The following ZNF536 variants were observed in gnomAD, a reference collection of about 807,000 sequenced individuals.
ZNF536 encodes zinc finger protein 536.
A neutral mutation model predicts 84.5 loss-of-function variants in ZNF536; 13 were observed. That is an observed-to-expected ratio of 0.15 (90% confidence interval 0.10 to 0.24). ZNF536 has a LOEUF of 0.24. Among genes scored for constraint, ZNF536 ranks in the 10% least tolerant of loss-of-function variants. The probability of loss-of-function intolerance (pLI) is 1.00; values close to 1 mark genes in which losing one functional copy is unlikely to be tolerated. For missense variants in ZNF536, 1,536 were observed against 1,747.5 expected (o/e 0.88, Z 2.16); for synonymous variants, 811 against 742.5 (o/e 1.09, Z -1.50).
chr19:30,661,454 G>A (rs1165619611), intron 1 of ZNF536, among the ~76,000 whole-genome samples: 1 of 152,192 alleles, frequency 6.6e-6, no homozygotes, highest in Non-Finnish European at 1.5e-5. Context: ...GAAATATGTA[G>A]TCCTGTGAAC....
chr19:30,331,203 G>C (rs2047198320), intron 2 of ZNF536, among the ~76,000 whole-genome samples: 1 of 138,862 alleles, frequency 7.2e-6, no homozygotes, highest in Non-Finnish European at 1.5e-5. Flanking sequence ...AGGATTGCTT[G>C]AGCCCAGGAG....
chr19:30,570,839 C>A lies in ZNF536; in HGVS notation c.169+21325C>A, dbSNP rs181765231. Among the ~76,000 whole-genome samples the A allele has an allele frequency of 7.8e-3, 1,193 of 152,312 alleles. 19 individuals are homozygous for A. The highest frequency in any genetic ancestry group is 0.017 in the Middle Eastern group (5 of 294). On this transcript the variant is annotated intron_variant, in intron 1 of 1. Coordinates refer to the ZNF536 transcript ENST00000592773. ...TTGGCCATGAAAATAGCGTTCGCTGCTGATAGCACCTAGAAGGGCCAGCTG... is the reference window on the plus strand; with the variant it reads ...TTGGCCATGAAAATAGCGTTCGCTGATGATAGCACCTAGAAGGGCCAGCTG...
At chr19:30,513,454 T>C (rs1011517975) in intron 2 of ZNF536, among the ~76,000 whole-genome samples, 5 of 152,236 alleles carry the variant, frequency 3.3e-5, no homozygotes, top group African/African-American at 9.7e-5. Flanking sequence ...GCATGAATTA[T>C]GTTGATCTTC....
At chr19:30,465,634 G>A (rs891214698) in intron 2 of ZNF536, among the ~76,000 whole-genome samples, 2 of 152,170 alleles carry the variant, frequency 1.3e-5, no homozygotes, top group African/African-American at 2.4e-5. Context: ...CTTAGGCCTG[G>A]AATCCTGGTG....
chr19:30,500,706 C>A (rs1486387683), intron 2 of ZNF536, among the ~76,000 whole-genome samples: 1 of 152,078 alleles, frequency 6.6e-6, no homozygotes, highest in Non-Finnish European at 1.5e-5. Context: ...TCTCACAACC[C>A]CAGGCTTGCT....
At chr19:30,467,157 C>T (rs1004126670) in intron 2 of ZNF536, among the ~76,000 whole-genome samples, 1 of 152,154 alleles carries the variant, frequency 6.6e-6, no homozygotes, top group African/African-American at 2.4e-5. Flanking sequence ...TTTAAGAGCA[C>T]GATTTGTGGT....
intron 2 of ZNF536, chr19:30,300,616 C>T (rs181427013): frequency 3.3e-5 from 5 of 152,290 alleles, no homozygotes; most frequent in Admixed American, 3.3e-4. Flanking sequence ...AATAGTTTGC[C>T]ACTATAAACT....
intron 1 of ZNF536, among the ~76,000 whole-genome samples, chr19:30,438,148 G>T (rs998559461): frequency 6.6e-6 from 1 of 152,024 alleles, no homozygotes; most frequent in Non-Finnish European, 1.5e-5. Flanking sequence ...AGTTACATGG[G>T]TATATTGCAT....
At position 30,620,326 on chromosome 19, in the gene ZNF536, C is replaced by T. The variant is rs142877864; in HGVS notation, c.169+70812C>T. On this transcript the variant is annotated intron_variant, in intron 1 of 1. Coordinates refer to the ZNF536 transcript ENST00000592773. ...CATGTGAAACATCATTACTGCTAAA[C>T]GTTCACTCAAACATTTTTAAAACAC... 3.8e-4 allele frequency among the ~76,000 whole-genome samples: 54 copies of T among 143,570 alleles called. 1 individual carries two copies. Among genetic ancestry groups the T allele is most frequent in the African/African-American group, 1.2e-3 (47 of 38,242 alleles). 94.2% of individuals were successfully genotyped at this position (143,570 alleles called of 152,430 possible).
chr19:30,493,844 GT>G (rs11290570), intron 2 of ZNF536, among the ~76,000 whole-genome samples: 6,025 of 152,238 alleles, frequency 0.04, 206 homozygotes, highest in East Asian at 0.19. Context: ...GAGATACGGT[GT>G]GTAAAGCATC....
At chr19:30,421,594 C>T (rs1156336936) in intron 1 of ZNF536, among the ~76,000 whole-genome samples, 2 of 152,146 alleles carry the variant, frequency 1.3e-5, no homozygotes, top group East Asian at 3.9e-4. Flanking sequence ...AATGCCTGGA[C>T]TCAAGTGATC....
At chr19:30,610,558 G>C (rs2147039930) in intron 1 of ZNF536, among the ~76,000 whole-genome samples, 1 of 152,342 alleles carries the variant, frequency 6.6e-6, no homozygotes, top group African/African-American at 2.4e-5. Flanking sequence ...GTTTGAATCA[G>C]AAACAGAGTG....
intron 1 of ZNF536, among the ~76,000 whole-genome samples, chr19:30,627,898 A>G (rs1233505425): frequency 6.6e-6 from 1 of 152,174 alleles, no homozygotes; most frequent in Non-Finnish European, 1.5e-5. Context: ...CTCAGCACCA[A>G]TATGACCCAC....
intron 1 of ZNF536, among the ~76,000 whole-genome samples, chr19:30,411,962 T>C (rs1418159055): frequency 1.3e-5 from 2 of 152,074 alleles, no homozygotes; most frequent in Non-Finnish European, 2.9e-5. Context: ...TAAAGTTTTC[T>C]GTTTTACTTT....
intron 1 of ZNF536, among the ~76,000 whole-genome samples, chr19:30,229,435 A>C (rs1465127468): frequency 6.6e-6 from 1 of 152,222 alleles, no homozygotes; most frequent in East Asian, 1.9e-4. Flanking sequence ...TATTATAATG[A>C]TTATTTACAG....
chr19:30,475,666 A>G (rs536678323), intron 2 of ZNF536, among the ~76,000 whole-genome samples: 5 of 152,296 alleles, frequency 3.3e-5, no homozygotes, highest in Non-Finnish European at 7.4e-5. Context: ...ACGGGGGTAC[A>G]GCCACAGCCC....
At chr19:30,563,567 T>A (rs1317936776) in intron 1 of ZNF536, among the ~76,000 whole-genome samples, 2 of 152,250 alleles carry the variant, frequency 1.3e-5, no homozygotes, top group Non-Finnish European at 2.9e-5. Context: ...AAAGGGAATG[T>A]TCTTGAAGCC....
At chr19:30,456,655 C>A (rs868354517) in intron 2 of ZNF536, among the ~76,000 whole-genome samples, 7 of 152,302 alleles carry the variant, frequency 4.6e-5, no homozygotes, top group South Asian at 2.1e-4. Flanking sequence ...TTTGTTTGTT[C>A]AATCATTAAT....
At chr19:30,329,757 C>T (rs187154908) in intron 2 of ZNF536, among the ~76,000 whole-genome samples, 15 of 152,240 alleles carry the variant, frequency 9.9e-5, no homozygotes, top group Admixed American at 5.9e-4. Flanking sequence ...CATTAAAACA[C>T]ACATTTTTAA....
Sources: allele counts gnomAD v4.1 joint callset (sites outside exome capture counted in the v4.1 genomes callset), GRCh38; gene constraint gnomAD v4.1.1; transcripts MANE v1.5; gene names NCBI Gene and HGNC (gene_info 2026-07-23, HGNC 2026-07-21).